The following LAMA3 variants were observed in gnomAD, a reference collection of about 807,000 sequenced individuals.
LAMA3 encodes the protein laminin subunit alpha-3.
In LAMA3, 281 loss-of-function variants were observed where a neutral mutation model predicts 402.0. That is an observed-to-expected ratio of 0.70 (90% confidence interval 0.63 to 0.77). The LOEUF (loss-of-function observed/expected upper bound fraction) is 0.77. Among genes scored for constraint, LAMA3 ranks in the 30% least tolerant of loss-of-function variants. The probability of loss-of-function intolerance (pLI) is 0.00; values close to 1 mark genes in which losing one functional copy is unlikely to be tolerated. For synonymous variants in LAMA3, 1,431 were observed against 1,558.4 expected (o/e 0.92, Z 1.93); for missense variants, 3,840 against 4,215.5 (o/e 0.91, Z 2.47).
intron 11 of LAMA3, among the ~76,000 whole-genome samples, chr18:23,782,273 C>G (rs1373894280): frequency 6.6e-6 from 1 of 152,120 alleles, no homozygotes. Flanking sequence ...TGGATGCTTT[C>G]AGGGCGAGGC....
In LAMA3 at chr18:23,814,368, A is replaced by T. The variant is rs770400469; in HGVS notation, c.1789-35A>T. 5.6e-6 allele frequency: 8 copies of T among 1,435,328 alleles called. No individual in the cohort carries two copies. The South Asian group carries it at 9.2e-5, about 16-fold the overall frequency. The allele number at this position is 1,435,328 out of a possible 1,614,324, so 88.9% of individuals were successfully genotyped here. On this transcript the variant is annotated intron_variant, in intron 14 of 74. Coordinates refer to ENST00000313654, the MANE Select transcript of LAMA3 (RefSeq NM_198129.4). ...AGGTTTGAAAACATGTCTTAATTCC[A>T]AGATGTCAAATGTTTGTTTGATTTT...
At chr18:23,789,950 C>T (rs1007246720) in intron 12 of LAMA3, among the ~76,000 whole-genome samples, 2 of 152,178 alleles carry the variant, frequency 1.3e-5, no homozygotes, top group Admixed American at 1.3e-4. Flanking sequence ...ATTTGACGCT[C>T]ATCTCTCTTA....
chr18:23,839,810 G>A lies in LAMA3; in HGVS notation c.3217G>A (p.Glu1073Lys). The A allele has an allele frequency of 6.2e-7, 1 of 1,614,166 alleles. No homozygotes were observed. Among genetic ancestry groups the A allele is most frequent in the Non-Finnish European group, 8.5e-7 (1 of 1,180,008 alleles). ...QSATCVSLAH[E>K]TPPTALILDV... is the part of the protein sequence containing the mutation. ...TGCCACCTGTGTCTCCTTGGCCCAT[G>A]AAACTCCTCCAACAGCATTAATTTT... The change falls in exon 27 of 75, where the codon GAA (glutamate) becomes AAA (lysine). Residue 1073 changes from glutamate to lysine, a missense_variant. This residue lies in a region of LAMA3 where 2,109 missense variants were observed against 2,376.0 expected (regional missense o/e 0.89). Transcript: ENST00000313654. This position sits in a 1 kb window ranked among gnomAD's most constrained non-coding sequence, Gnocchi z 4.5.
chr18:23,786,078 A>T (rs1010897429), intron 12 of LAMA3, among the ~76,000 whole-genome samples: 1 of 152,238 alleles, frequency 6.6e-6, no homozygotes, highest in Non-Finnish European at 1.5e-5. Flanking sequence ...AAAATATTTT[A>T]AAAAATTGTT....
chr18:23,899,335 C>G lies in LAMA3; in HGVS notation c.5884C>G (p.Pro1962Ala), dbSNP rs367849978. The G allele has an allele frequency of 1.2e-6, 2 of 1,613,862 alleles. No individual in the cohort carries two copies. The highest frequency in any genetic ancestry group is 2.2e-5 in the South Asian group (2 of 91,086). Residue 1962 changes from proline to alanine, a missense_variant, in exon 47 of 75, where the codon CCT becomes GCT. Transcript: ENST00000313654. ...GACAGATGGAGAGGGAAACAACGTG[C>G]CTTCAGGTGACTTTTCCAGAGAGTG... ...SGTDGEGNNV[P>A]SGDFSREWAE...
intron 62 of LAMA3, among the ~76,000 whole-genome samples, chr18:23,924,123 C>T (rs2081931902): frequency 6.6e-6 from 1 of 152,140 alleles, no homozygotes; most frequent in Non-Finnish European, 1.5e-5. Flanking sequence ...TCTGGGGTTA[C>T]AGGCGTGAGC....
At chr18:23,704,569 G>A (rs763370435) in intron 1 of LAMA3, among the ~76,000 whole-genome samples, 5 of 152,214 alleles carry the variant, frequency 3.3e-5, no homozygotes, top group African/African-American at 4.8e-5. Context: ...CCACACCCCA[G>A]TGCTAGCTTG....
At chr18:23,951,907 C>A (rs557824725) in intron 73 of LAMA3, 130 bp downstream of exon 73, 10 of 719,406 alleles carry the variant, frequency 1.4e-5, no homozygotes, top group Non-Finnish European at 2.3e-5. Context: ...CCGAGGCTAA[C>A]GTGTCCATTC....
At chr18:23,906,394 A>G (rs2145170822) in intron 52 of LAMA3, among the ~76,000 whole-genome samples, 1 of 152,350 alleles carries the variant, frequency 6.6e-6, no homozygotes, top group South Asian at 2.1e-4. Context: ...GAATTTTTTA[A>G]GCATAAATTT....
At chr18:23,750,816 G>A in intron 4 of LAMA3, 102 bp from the exon 5 acceptor site, 4 of 1,295,160 alleles carry the variant, frequency 3.1e-6, no homozygotes, top group Non-Finnish European at 4.5e-6. Flanking sequence ...ATGGCTCAAA[G>A]AAACCAAGTG....
At chr18:23,696,516 T>G (rs993822137) in intron 1 of LAMA3, among the ~76,000 whole-genome samples, 2 of 152,240 alleles carry the variant, frequency 1.3e-5, no homozygotes, top group Non-Finnish European at 2.9e-5. Flanking sequence ...CCCTGTTTTT[T>G]TTGAGACGGA....
chr18:23,729,843 G>C (rs2061361049), intron 2 of LAMA3, among the ~76,000 whole-genome samples: 1 of 152,240 alleles, frequency 6.6e-6, no homozygotes, highest in African/African-American at 2.4e-5. Context: ...TCTGGCACCA[G>C]AGCCAGCCTT....
chr18:23,822,764 C>T (rs2063311107), intron 20 of LAMA3, among the ~76,000 whole-genome samples: 1 of 152,148 alleles, frequency 6.6e-6, no homozygotes, highest in Non-Finnish European at 1.5e-5. Context: ...TTCAAACCAA[C>T]CAAATAGTCA....
At chr18:23,824,284 G>A (rs2144424008) in intron 20 of LAMA3, 139 bp from the exon 21 acceptor site, 1 of 835,474 alleles carries the variant, frequency 1.2e-6, no homozygotes, top group Non-Finnish European at 2.0e-6. Context: ...AATTTTTAAA[G>A]ATAAGATCAG....
chr18:23,772,211 T>G (rs1358617952), intron 8 of LAMA3, among the ~76,000 whole-genome samples: 1 of 152,092 alleles, frequency 6.6e-6, no homozygotes, highest in African/African-American at 2.4e-5. Context: ...CCGGCTAATT[T>G]TTATATTTTT....
At chr18:23,913,214 A>G (rs1051603463) in intron 56 of LAMA3, among the ~76,000 whole-genome samples, 2 of 152,178 alleles carry the variant, frequency 1.3e-5, no homozygotes, top group Non-Finnish European at 2.9e-5. Flanking sequence ...TATGATTGAC[A>G]CCACACCACC....
intron 12 of LAMA3, among the ~76,000 whole-genome samples, chr18:23,806,283 G>T (rs1338891473): frequency 6.6e-6 from 1 of 152,196 alleles, no homozygotes; most frequent in Admixed American, 6.5e-5. Flanking sequence ...TATTCTCACA[G>T]ATATTCCTCA....
intron 32 of LAMA3, among the ~76,000 whole-genome samples, chr18:23,848,037 C>CAT (rs560312409): frequency 5.4e-4 from 82 of 152,328 alleles, no homozygotes; most frequent in African/African-American, 1.8e-3. Context: ...TTGTGGTGAG[C>CAT]ACCTGTCCAT....
chr18:23,802,905 A>G lies in LAMA3; in HGVS notation c.1604-7461A>G, dbSNP rs559393222. 1.6e-4 allele frequency among the ~76,000 whole-genome samples: 25 copies of G among 152,268 alleles called. No homozygotes were observed. The South Asian group carries it at 2.7e-3, about 16-fold the overall frequency. ...TACTGCCACCTAGTAGTTTTCACCT[A>G]CAGTGAAAACTCACTGTAACTGAGT... On this transcript the variant is annotated intron_variant, in intron 12 of 74. Transcript: ENST00000313654.
Sources: gnomAD v4.1 joint callset for allele counts (sites outside exome capture counted in the v4.1 genomes callset) on GRCh38, gnomAD v4.1.1 for gene constraint, gnomAD v4.1.1 regional missense constraint, Gnocchi (gnomAD v3.1) non-coding constraint, MANE v1.5 for transcripts, NCBI Gene and HGNC (gene_info 2026-07-23, HGNC 2026-07-21) for gene names.